Variants in INSC observed in about 807,000 individuals in gnomAD.
INSC encodes INSC spindle orientation adaptor protein.
INSC carries 67 observed loss-of-function variants against 58.6 expected under a neutral mutation model. The ratio of observed to expected loss-of-function variants is 1.14; its 90% CI spans 0.94 to 1.40. The LOEUF is 1.40. Among genes scored for constraint, INSC ranks in the 40% most tolerant of loss-of-function variants. INSC has a pLI of 0.00. For synonymous variants in INSC, 262 were observed against 276.1 expected (o/e 0.95, Z 0.51); for missense variants, 714 against 692.0 (o/e 1.03, Z -0.36).
intron 8 of INSC, among the ~76,000 whole-genome samples, chr11:15,222,872 G>A (rs1219523483): frequency 1.3e-5 from 2 of 152,130 alleles, no homozygotes; most frequent in South Asian, 2.1e-4. Context: ...GTCTTGGCTC[G>A]AGGGAGCTCA....
At chr11:15,245,874 C>T (rs1404227026) in intron 12 of INSC, 38 bp from the exon 13 acceptor site, 2 of 1,601,172 alleles carry the variant, frequency 1.2e-6, no homozygotes, top group Non-Finnish European at 1.7e-6. Flanking sequence ...TGACATGGCC[C>T]AGTCTGACAC....
intron 1 of INSC, among the ~76,000 whole-genome samples, chr11:15,124,887 A>G (rs536768637): frequency 1.3e-5 from 2 of 152,214 alleles, no homozygotes; most frequent in Non-Finnish European, 1.5e-5. Context: ...CTCCCTCACG[A>G]ATTCATTCAT....
At chr11:15,219,705 C>T (rs765187172) in intron 7 of INSC, among the ~76,000 whole-genome samples, 28 of 152,246 alleles carry the variant, frequency 1.8e-4, no homozygotes, top group South Asian at 4.2e-4. Flanking sequence ...TCTGCAACCA[C>T]GTTGAGATTA....
chr11:15,182,506 G>A (rs1849816714), intron 5 of INSC, among the ~76,000 whole-genome samples: 1 of 152,188 alleles, frequency 6.6e-6, no homozygotes, highest in African/African-American at 2.4e-5. Context: ...ACGGGCATTT[G>A]AACTGTTTTC....
the INSC span, among the ~76,000 whole-genome samples, chr11:15,262,075 C>G: frequency 1.3e-5 from 2 of 151,990 alleles, no homozygotes; most frequent in East Asian, 3.9e-4. Context: ...CTTTCTGGGT[C>G]CTAGTTCCTC....
chr11:15,171,441 T>A (rs1849393803), intron 2 of INSC, among the ~76,000 whole-genome samples: 1 of 152,178 alleles, frequency 6.6e-6, no homozygotes, highest in Non-Finnish European at 1.5e-5. Context: ...TTTCTGGCTT[T>A]CCTTATCATG....
At chr11:15,152,868 C>G (rs1848697216) in intron 2 of INSC, among the ~76,000 whole-genome samples, 2 of 152,064 alleles carry the variant, frequency 1.3e-5, no homozygotes, top group African/African-American at 4.8e-5. Context: ...GAGAACTGAG[C>G]CTTGAGGAGG....
chr11:15,200,955 G>A lies in INSC; in HGVS notation c.819+6G>A, dbSNP rs757486115. 12 of 1,594,718 alleles carry A rather than the reference G, an allele frequency of 7.5e-6. No individual in the cohort carries two copies. The East Asian group carries it at 2.1e-4, about 27-fold the overall frequency. On this transcript the variant is annotated splice_donor_region_variant and intron_variant, in intron 7 of 12. Coordinates refer to ENST00000379556, the MANE Select transcript of INSC (RefSeq NM_001042536.3). Reference sequence around the variant, plus strand: ...GTGTCCACCAGCTGGAGAAGGTAAGGACAGCTGGCTGGGTGGTGCCTGAGG... The same window carrying A: ...GTGTCCACCAGCTGGAGAAGGTAAGAACAGCTGGCTGGGTGGTGCCTGAGG...
intron 1 of INSC, among the ~76,000 whole-genome samples, chr11:15,130,851 G>A (rs1848108544): frequency 6.6e-6 from 1 of 151,870 alleles, no homozygotes; most frequent in African/African-American, 2.4e-5. Context: ...TCTTATCTCT[G>A]CTGCATCTGT....
At chr11:15,258,975 T>C in the INSC span, among the ~76,000 whole-genome samples, 3 of 152,288 alleles carry the variant, frequency 2.0e-5, no homozygotes, top group Middle Eastern at 3.4e-3. Context: ...ACAAGGTCTT[T>C]GTTTTCAGGG....
intron 2 of INSC, among the ~76,000 whole-genome samples, chr11:15,173,703 G>GCAGAGA (rs927527065): frequency 2.0e-5 from 3 of 151,886 alleles, no homozygotes; most frequent in African/African-American, 7.3e-5. Flanking sequence ...ATGAAGGGAG[G>GCAGAGA]CAGAGACAGA....
At chr11:15,199,779 AC>A (rs1274610314) in intron 6 of INSC, among the ~76,000 whole-genome samples, 5 of 152,172 alleles carry the variant, frequency 3.3e-5, no homozygotes, top group African/African-American at 1.2e-4. Context: ...ACTGCTGCCA[AC>A]CCTAGGCACC....
chr11:15,262,655 A>ACACACACACAC, the INSC span, among the ~76,000 whole-genome samples: 2 of 146,680 alleles, frequency 1.4e-5, no homozygotes, highest in Non-Finnish European at 3.0e-5. Flanking sequence ...CTGGGTGATA[A>ACACACACACAC]ACACACACAC....
At chr11:15,204,847 C>A (rs1850735664) in intron 7 of INSC, among the ~76,000 whole-genome samples, 1 of 152,246 alleles carries the variant, frequency 6.6e-6, no homozygotes, top group Non-Finnish European at 1.5e-5. Flanking sequence ...TGAAATTCGT[C>A]TCTGTTGTGC....
chr11:15,263,202 G>A, the INSC span, among the ~76,000 whole-genome samples: 1 of 152,120 alleles, frequency 6.6e-6, no homozygotes, highest in African/African-American at 2.4e-5. Context: ...ATAGAAGAAA[G>A]ATTAAGAAAA....
chr11:15,218,110 C>A (rs966688248), intron 7 of INSC, among the ~76,000 whole-genome samples: 4 of 152,148 alleles, frequency 2.6e-5, no homozygotes, highest in African/African-American at 9.7e-5. Flanking sequence ...TCCATTATAG[C>A]AAAAGCTGGG....
chr11:15,241,400 C>T (rs1245953994), intron 12 of INSC, among the ~76,000 whole-genome samples: 1 of 152,214 alleles, frequency 6.6e-6, no homozygotes, highest in Non-Finnish European at 1.5e-5. Flanking sequence ...CTGGGAGTTT[C>T]TGATGGGCGT....
intron 10 of INSC, among the ~76,000 whole-genome samples, chr11:15,238,219 G>C (rs1032637335): frequency 6.6e-6 from 1 of 152,124 alleles, no homozygotes; most frequent in East Asian, 1.9e-4. Context: ...AGACAAATCT[G>C]GTTTCAGGGA....
At chr11:15,116,465 T>C (rs1327417879) in intron 1 of INSC, among the ~76,000 whole-genome samples, 4 of 152,104 alleles carry the variant, frequency 2.6e-5, no homozygotes, top group African/African-American at 9.7e-5. Context: ...TGGTTATCTT[T>C]TTTTCTGGAC....
Sources: gnomAD v4.1 joint callset for allele counts (sites outside exome capture counted in the v4.1 genomes callset) on GRCh38, gnomAD v4.1.1 for gene constraint, MANE v1.5 for transcripts, NCBI Gene and HGNC (gene_info 2026-07-23, HGNC 2026-07-21) for gene names.